SLC44A5: variants seen among roughly 807,000 people sequenced by gnomAD.
The protein encoded by SLC44A5 is choline transporter-like protein 5.
SLC44A5 carries 57 observed loss-of-function variants against 101.8 expected under a neutral mutation model. The observed-to-expected ratio is 0.56, with a 90% CI of 0.45 to 0.70. SLC44A5 has a LOEUF of 0.70. SLC44A5 is among the 30% of genes least tolerant of loss of function. SLC44A5 has a pLI of 0.00. For missense variants in SLC44A5, 737 were observed against 853.1 expected (o/e 0.86, Z 1.70); for synonymous variants, 281 against 290.9 (o/e 0.97, Z 0.35).
chr1:75,477,940 C>T (rs1197495442), intron 2 of SLC44A5, among the ~76,000 whole-genome samples: 2 of 151,924 alleles, frequency 1.3e-5, no homozygotes, highest in Non-Finnish European at 2.9e-5. Flanking sequence ...AACTCCAAGA[C>T]ACATAATTGT....
At position 75,333,493 on chromosome 1, in the gene SLC44A5, T is replaced by TCC. The variant is rs1275868183; in HGVS notation, c.101+6088_101+6089insGG. Reference sequence around the variant, plus strand: ...TTTTGCACTTTAAAATGTCACCGTCTACAAGTTATTCCTGATAATTACGCA... The same window carrying TCC: ...TTTTGCACTTTAAAATGTCACCGTCTCCACAAGTTATTCCTGATAATTACGCA... On this transcript the variant is annotated intron_variant, in intron 4 of 23. Coordinates refer to ENST00000370859, the MANE Select transcript of SLC44A5 (RefSeq NM_001130058.2). Among the ~76,000 whole-genome samples the TCC allele has an allele frequency of 2.6e-5, 4 of 151,176 alleles. No individual in the cohort carries two copies. The East Asian group carries it at 7.7e-4, about 29-fold the overall frequency.
At chr1:75,412,291 T>C (rs1663328994) in intron 2 of SLC44A5, among the ~76,000 whole-genome samples, 1 of 152,134 alleles carries the variant, frequency 6.6e-6, no homozygotes, top group African/African-American at 2.4e-5. Context: ...AAGCATGGAT[T>C]TCAGTGATTT....
intron 2 of SLC44A5, among the ~76,000 whole-genome samples, chr1:75,511,805 C>T (rs1669584039): frequency 6.6e-6 from 1 of 152,160 alleles, no homozygotes; most frequent in South Asian, 2.1e-4. Flanking sequence ...AGTTAGTGAA[C>T]CCCTTAAAAA....
intron 12 of SLC44A5, among the ~76,000 whole-genome samples, chr1:75,233,459 CCA>C (rs1283416768): frequency 2.1e-5 from 3 of 142,158 alleles, no homozygotes; most frequent in African/African-American, 8.0e-5. Flanking sequence ...TATTTAGCTC[CCA>C]CAGACAGTAC....
intron 4 of SLC44A5, among the ~76,000 whole-genome samples, chr1:75,339,154 G>A (rs1234013903): frequency 6.6e-6 from 1 of 152,142 alleles, no homozygotes; most frequent in African/African-American, 2.4e-5. Flanking sequence ...AAAGCACTCT[G>A]ATCTTGGAAG....
chr1:75,337,154 T>C (rs1273864603), intron 4 of SLC44A5, among the ~76,000 whole-genome samples: 1 of 152,192 alleles, frequency 6.6e-6, no homozygotes, highest in Non-Finnish European at 1.5e-5. Flanking sequence ...TATTTATCCC[T>C]GGATTCTATG....
chr1:75,537,104 A>T (rs1671097816), intron 2 of SLC44A5, among the ~76,000 whole-genome samples: 1 of 147,412 alleles, frequency 6.8e-6, no homozygotes, highest in Non-Finnish European at 1.5e-5. Context: ...CCAGTGTCTT[A>T]TCTATGAAAC....
upstream of SLC44A5, among the ~76,000 whole-genome samples, chr1:75,615,416 T>TAC (rs3031479): frequency 9.3e-3 from 1,230 of 131,702 alleles, 22 homozygotes; most frequent in African/African-American, 0.036. Flanking sequence ...CTCTCTCTCT[T>TAC]ACACACACAC....
At chr1:75,632,501 T>C in the SLC44A5 span, among the ~76,000 whole-genome samples, 3 of 152,182 alleles carry the variant, frequency 2.0e-5, no homozygotes, top group Non-Finnish European at 4.4e-5. Context: ...GTTTACTCCA[T>C]TGTAATGAAG....
chr1:75,502,755 C>A (rs1377738469), intron 2 of SLC44A5, among the ~76,000 whole-genome samples: 3 of 146,238 alleles, frequency 2.1e-5, no homozygotes, highest in South Asian at 2.3e-4. Flanking sequence ...AATTTATATT[C>A]TTTTCACCTA....
chr1:75,521,224 T>C (rs1218970129), intron 2 of SLC44A5, among the ~76,000 whole-genome samples: 1 of 152,210 alleles, frequency 6.6e-6, no homozygotes, highest in Non-Finnish European at 1.5e-5. Flanking sequence ...CACATGATCA[T>C]ACTTTTAAAT....
At chr1:75,408,628 T>A (rs1663062912) in intron 2 of SLC44A5, among the ~76,000 whole-genome samples, 1 of 151,642 alleles carries the variant, frequency 6.6e-6, no homozygotes, top group African/African-American at 2.4e-5. Flanking sequence ...AAACACCACA[T>A]GTTCTCACTC....
chr1:75,694,174 G>T, the SLC44A5 span, among the ~76,000 whole-genome samples: 2 of 151,778 alleles, frequency 1.3e-5, no homozygotes, highest in Admixed American at 6.6e-5. Context: ...CTTTGAGTAG[G>T]CAAGAAGGAA....
intron 2 of SLC44A5, among the ~76,000 whole-genome samples, chr1:75,474,945 A>T (rs1487499638): frequency 6.6e-6 from 1 of 152,212 alleles, no homozygotes; most frequent in East Asian, 1.9e-4. Context: ...CCCTACTAAG[A>T]CCTCTGGTAA....
At chr1:75,281,759 G>A (rs752304203) in intron 5 of SLC44A5, among the ~76,000 whole-genome samples, 11 of 151,594 alleles carry the variant, frequency 7.3e-5, no homozygotes, top group South Asian at 2.1e-4. Flanking sequence ...TGAAAGTCCC[G>A]AGCCTTGGCA....
At chr1:75,342,121 T>G (rs1570723909) in intron 3 of SLC44A5, among the ~76,000 whole-genome samples, 1 of 152,188 alleles carries the variant, frequency 6.6e-6, no homozygotes. Flanking sequence ...GTATGAGTTT[T>G]GGGAGACACT....
upstream of SLC44A5, among the ~76,000 whole-genome samples, chr1:75,615,016 G>A (rs1439759051): frequency 6.6e-6 from 1 of 152,068 alleles, no homozygotes; most frequent in African/African-American, 2.4e-5. Context: ...TAGGCAAGAC[G>A]CAGCCCAGGA....
intron 3 of SLC44A5, among the ~76,000 whole-genome samples, chr1:75,386,491 C>G (rs1350742177): frequency 6.6e-6 from 1 of 152,120 alleles, no homozygotes; most frequent in Admixed American, 6.5e-5. Context: ...ACCTAGGAAT[C>G]CAACTTACAA....
Position 75,218,615 on chromosome 1 carries a change from T to C in SLC44A5, c.1404A>G (p.Ile468Met). 1 of 1,613,850 alleles carries C rather than the reference T, an allele frequency of 6.2e-7. No homozygotes were observed. The highest frequency in any genetic ancestry group is 8.5e-7 in the Non-Finnish European group (1 of 1,179,800). The change falls in exon 17 of 24, where the codon ATA becomes ATG. Residue 468 changes from isoleucine (I) to methionine (M), a missense_variant. This residue lies in a region of SLC44A5 where 665 missense variants were observed against 764.4 expected (regional missense o/e 0.87). Coordinates refer to ENST00000370859, the MANE Select transcript of SLC44A5 (RefSeq NM_001130058.2). Reference sequence around the variant, plus strand: ...ACTGACCTAATGCAATGACGAAGTTTATAAGCCAGAGAAAGACAAATAAGT... The same window carrying C: ...ACTGACCTAATGCAATGACGAAGTTCATAAGCCAGAGAAAGACAAATAAGT... ...VYNLFVFLWL[I>M]NFVIALGQCA... is the part of the protein sequence containing the mutation.
Sources: gnomAD v4.1 joint callset for allele counts (sites outside exome capture counted in the v4.1 genomes callset) on GRCh38, gnomAD v4.1.1 for gene constraint, gnomAD v4.1.1 regional missense constraint, MANE v1.5 for transcripts, NCBI Gene and HGNC (gene_info 2026-07-23, HGNC 2026-07-21) for gene names.